FAM81A: variants seen among roughly 807,000 people sequenced by gnomAD.
The protein encoded by FAM81A is protein FAM81A.
FAM81A carries 19 observed loss-of-function variants against 46.7 expected under a neutral mutation model. That is an observed-to-expected ratio of 0.41 (90% CI 0.28 to 0.60). FAM81A has a LOEUF of 0.60. Ranked by LOEUF, FAM81A falls within the 20% of genes least tolerant of loss-of-function variation. The probability of loss-of-function intolerance (pLI) is 0.34; values close to 1 mark genes in which losing one functional copy is unlikely to be tolerated. For synonymous variants in FAM81A, 183 were observed against 152.9 expected, an observed-to-expected ratio of 1.20 and a Z score of -1.45; for missense variants, 377 against 453.5, an observed-to-expected ratio of 0.83 and a Z score of 1.53.
intron 3 of FAM81A, among the ~76,000 whole-genome samples, chr15:59,490,989 G>A (rs1404408527): frequency 1.3e-5 from 2 of 152,212 alleles, no homozygotes; most frequent in Non-Finnish European, 2.9e-5. Flanking sequence ...TACAACCACT[G>A]TGGAGAACAC....
At chr15:59,515,739 T>G (rs112240336) in intron 7 of FAM81A, among the ~76,000 whole-genome samples, 15 of 152,382 alleles carry the variant, frequency 9.8e-5, no homozygotes, top group African/African-American at 2.9e-4. Context: ...CTAATACATT[T>G]GTACTAATAA....
At chr15:59,400,802 T>A (rs2081066996) in intron 1 of FAM81A, among the ~76,000 whole-genome samples, 1 of 152,242 alleles carries the variant, frequency 6.6e-6, no homozygotes, top group Non-Finnish European at 1.5e-5. Flanking sequence ...CCCAGTCTAC[T>A]AAAAATCCTT....
intron 4 of FAM81A, among the ~76,000 whole-genome samples, chr15:59,504,163 C>G (rs1418193775): frequency 6.6e-6 from 1 of 152,056 alleles, no homozygotes; most frequent in Non-Finnish European, 1.5e-5. Flanking sequence ...TTAAAAACCT[C>G]AGCTTTCCCC....
At position 59,490,720 on chromosome 15, in the gene FAM81A, C is replaced by T. The variant is rs367561407; in HGVS notation, c.295-1551C>T. ...GCATGGTGATGCATGCCTGTAATCC[C>T]AGCTACTTGGGAGGCTGAGGCATGA... On this transcript the variant is annotated intron_variant, in intron 3 of 8. Coordinates refer to ENST00000288228, the MANE Select transcript of FAM81A (RefSeq NM_152450.3). 2.6e-5 allele frequency among the ~76,000 whole-genome samples: 4 copies of T among 152,262 alleles called. No individual in the cohort carries two copies. In the East Asian group the frequency reaches 7.7e-4, roughly 29 times the overall value.
At chr15:59,435,688 T>G (rs747075987), upstream of FAM81A, among the ~76,000 whole-genome samples, 1 of 152,216 alleles carries the variant, frequency 6.6e-6, no homozygotes, top group African/African-American at 2.4e-5. Flanking sequence ...TATTTGTATT[T>G]AAATAACTGC....
At chr15:59,490,999 C>T (rs1028493641) in intron 3 of FAM81A, among the ~76,000 whole-genome samples, 8 of 152,172 alleles carry the variant, frequency 5.3e-5, no homozygotes, top group Non-Finnish European at 1.2e-4. Context: ...GTGGAGAACA[C>T]TTTGGAGGTA....
chr15:59,414,260 C>A (rs1252795127), intron 2 of FAM81A, among the ~76,000 whole-genome samples: 1 of 152,116 alleles, frequency 6.6e-6, no homozygotes, highest in East Asian at 1.9e-4. Flanking sequence ...GGCCCACATT[C>A]TAATTCTTGG....
At chr15:59,464,535 T>C (rs1437424307) in intron 3 of FAM81A, among the ~76,000 whole-genome samples, 1 of 152,220 alleles carries the variant, frequency 6.6e-6, no homozygotes, top group East Asian at 1.9e-4. Flanking sequence ...TGATACCTCA[T>C]TGTGATTTTG....
intron 3 of FAM81A, among the ~76,000 whole-genome samples, chr15:59,464,503 A>G (rs2081589669): frequency 6.6e-6 from 1 of 152,180 alleles, no homozygotes; most frequent in African/African-American, 2.4e-5. Context: ...TTTTGGTAAT[A>G]GCAGTTATAA....
intron 2 of FAM81A, among the ~76,000 whole-genome samples, chr15:59,405,117 C>G (rs2081088512): frequency 6.6e-6 from 1 of 152,200 alleles, no homozygotes; most frequent in African/African-American, 2.4e-5. Context: ...AGAGGTCTTC[C>G]CTGACCACTC....
chr15:59,453,183 A>G (rs552337096), intron 1 of FAM81A, among the ~76,000 whole-genome samples: 13 of 152,316 alleles, frequency 8.5e-5, no homozygotes, highest in East Asian at 1.9e-4. Context: ...AAGGCCAGAC[A>G]CTGTTCTGGA....
At chr15:59,470,138 A>T (rs1232877564) in intron 3 of FAM81A, among the ~76,000 whole-genome samples, 1 of 152,172 alleles carries the variant, frequency 6.6e-6, no homozygotes, top group Non-Finnish European at 1.5e-5. Flanking sequence ...GCTGCCGTTA[A>T]CACTTTTTCC....
intron 8 of FAM81A, among the ~76,000 whole-genome samples, chr15:59,517,892 C>T (rs145071811): frequency 1.0e-3 from 157 of 152,056 alleles, no homozygotes; most frequent in African/African-American, 3.6e-3. Context: ...ATATTTAGCA[C>T]CTAATATGAA....
intron 2 of FAM81A, among the ~76,000 whole-genome samples, chr15:59,412,130 G>A (rs948104618): frequency 6.6e-6 from 1 of 152,090 alleles, no homozygotes; most frequent in African/African-American, 2.4e-5. Flanking sequence ...GCCTAGATCT[G>A]CATGTGGGCC....
intron 8 of FAM81A, among the ~76,000 whole-genome samples, chr15:59,520,444 A>G (rs530633080): frequency 1.3e-5 from 2 of 152,142 alleles, no homozygotes; most frequent in East Asian, 1.9e-4. Flanking sequence ...TTTAGTTGTC[A>G]TGTTTCTTTA....
intron 3 of FAM81A, among the ~76,000 whole-genome samples, chr15:59,486,986 G>A (rs1210352313): frequency 3.3e-5 from 5 of 151,670 alleles, no homozygotes; most frequent in Non-Finnish European, 7.4e-5. Flanking sequence ...GAAAAACGCA[G>A]AATATTATAA....
At chr15:59,427,142 ACT>A in intron 2 of FAM81A, among the ~76,000 whole-genome samples, 1 of 151,982 alleles carries the variant, frequency 6.6e-6, no homozygotes, top group Admixed American at 6.5e-5. Flanking sequence ...ACCGAGTCTC[ACT>A]CTGTCACCCA....
At chr15:59,421,640 G>A (rs2081171849) in intron 2 of FAM81A, among the ~76,000 whole-genome samples, 1 of 152,030 alleles carries the variant, frequency 6.6e-6, no homozygotes, top group Admixed American at 6.6e-5. Context: ...GGAGTCCTTG[G>A]TCCTTCTTGG....
At chr15:59,464,700 A>G (rs984777955) in intron 3 of FAM81A, among the ~76,000 whole-genome samples, 17 of 152,178 alleles carry the variant, frequency 1.1e-4, no homozygotes, top group Non-Finnish European at 1.8e-4. Context: ...TTCCTTCTGT[A>G]TTCTGGATAT....
Sources: gnomAD v4.1 joint callset for allele counts (sites outside exome capture counted in the v4.1 genomes callset) on GRCh38, gnomAD v4.1.1 for gene constraint, MANE v1.5 for transcripts, NCBI Gene and HGNC (gene_info 2026-07-23, HGNC 2026-07-21) for gene names.